THSD7B: variants seen among roughly 807,000 people sequenced by gnomAD.
THSD7B encodes thrombospondin type-1 domain-containing protein 7B.
THSD7B carries 138 observed loss-of-function variants against 213.6 expected under a neutral mutation model. That is an observed-to-expected ratio of 0.65 (90% CI 0.56 to 0.74). THSD7B has a LOEUF of 0.74. Among genes scored for constraint, THSD7B ranks in the 30% least tolerant of loss-of-function variants. The pLI is 0.00. For synonymous variants in THSD7B, 742 were observed against 687.0 expected (o/e 1.08, Z -1.25); for missense variants, 1,931 against 1,991.5 (o/e 0.97, Z 0.58).
chr2:136,961,088 CA>C (rs57328048), intron 2 of THSD7B, among the ~76,000 whole-genome samples: 17 of 39,080 alleles, frequency 4.4e-4, no homozygotes, highest in African/African-American at 7.3e-4. Flanking sequence ...GACTCCGTCT[CA>C]AAAAAAAAAA....
intron 1 of THSD7B, among the ~76,000 whole-genome samples, chr2:136,849,279 T>C (rs1243952468): frequency 6.6e-6 from 1 of 152,156 alleles, no homozygotes; most frequent in Non-Finnish European, 1.5e-5. Context: ...CTCACTATAC[T>C]CTGCCAGTAA....
chr2:136,862,915 G>A (rs1206991472), intron 1 of THSD7B, among the ~76,000 whole-genome samples: 4 of 152,130 alleles, frequency 2.6e-5, no homozygotes, highest in Non-Finnish European at 5.9e-5. Flanking sequence ...TTCCAAATCC[G>A]TTGCTTATAG....
intron 12 of THSD7B, among the ~76,000 whole-genome samples, chr2:137,335,304 T>A (rs1435526723): frequency 1.3e-5 from 2 of 152,142 alleles, no homozygotes; most frequent in Non-Finnish European, 2.9e-5. Context: ...AAAAATAAGG[T>A]AATGAAGGCA....
Position 136,905,734 on chromosome 2 carries a change from G to T in THSD7B, c.139+23417G>T, listed in dbSNP as rs72981660. Among the ~76,000 whole-genome samples, 1,491 of 152,328 alleles carry T rather than the reference G, an allele frequency of 9.8e-3. 34 individuals are homozygous for T. The highest frequency in any genetic ancestry group is 0.035 in the African/African-American group (1,436 of 41,578). ...AATGATAACCAGCAATTTGAGACAA[G>T]TACATCATTAGGCATTGAGACAAAT... On this transcript the variant is annotated intron_variant, in intron 2 of 27. Coordinates refer to ENST00000409968, the MANE Select transcript of THSD7B (RefSeq NM_001316349.2).
chr2:137,609,519 C>T (rs1167269672), intron 17 of THSD7B, among the ~76,000 whole-genome samples: 2 of 152,156 alleles, frequency 1.3e-5, no homozygotes, highest in Non-Finnish European at 2.9e-5. Context: ...GCTTGGAGCT[C>T]TCCAAGAACA....
chr2:137,341,388 T>C (rs1684758005), intron 12 of THSD7B, among the ~76,000 whole-genome samples: 1 of 151,668 alleles, frequency 6.6e-6, no homozygotes, highest in Admixed American at 6.6e-5. Flanking sequence ...CTTCATAGGT[T>C]GTCTCTGCAC....
intron 15 of THSD7B, among the ~76,000 whole-genome samples, chr2:137,562,544 T>C (rs1467350309): frequency 6.6e-6 from 1 of 151,448 alleles, no homozygotes; most frequent in African/African-American, 2.4e-5. Context: ...TTGTAAATAT[T>C]CATAGTCAGT....
chr2:136,861,543 G>A (rs1165454141), intron 1 of THSD7B, among the ~76,000 whole-genome samples: 1 of 152,174 alleles, frequency 6.6e-6, no homozygotes, highest in East Asian at 1.9e-4. Flanking sequence ...CCAGGACTGG[G>A]TGAAGACTTG....
intron 1 of THSD7B, 69 bp from the exon 2 acceptor site, chr2:136,882,075 G>A: frequency 1.6e-6 from 2 of 1,221,724 alleles, no homozygotes. Context: ...AAAGGTTCTA[G>A]CAGTCAAAAT....
intron 1 of THSD7B, among the ~76,000 whole-genome samples, chr2:136,810,896 G>C (rs1175114973): frequency 6.6e-6 from 1 of 152,144 alleles, no homozygotes; most frequent in Non-Finnish European, 1.5e-5. Flanking sequence ...TTCCTTCATA[G>C]GGGTATCATG....
intron 15 of THSD7B, among the ~76,000 whole-genome samples, chr2:137,523,074 A>G (rs530215868): frequency 6.6e-6 from 1 of 152,318 alleles, no homozygotes; most frequent in East Asian, 1.9e-4. Context: ...GGAGTCATGT[A>G]CTTTTCTTAG....
At chr2:136,904,173 A>AG (rs1684115061) in intron 2 of THSD7B, among the ~76,000 whole-genome samples, 1 of 152,156 alleles carries the variant, frequency 6.6e-6, no homozygotes, top group African/African-American at 2.4e-5. Context: ...AGGCAACCCC[A>AG]GCAAATGTGG....
At chr2:137,087,717 C>A (rs2104910727) in intron 3 of THSD7B, among the ~76,000 whole-genome samples, 1 of 152,220 alleles carries the variant, frequency 6.6e-6, no homozygotes, top group African/African-American at 2.4e-5. Context: ...GGAAAATGAC[C>A]ATACTGCCAA....
At chr2:137,258,010 T>C (rs1175413125) in intron 10 of THSD7B, among the ~76,000 whole-genome samples, 3 of 152,118 alleles carry the variant, frequency 2.0e-5, no homozygotes, top group Non-Finnish European at 4.4e-5. Flanking sequence ...ATTGAGTGAG[T>C]TGATTCATGT....
intron 3 of THSD7B, among the ~76,000 whole-genome samples, chr2:137,086,826 A>T (rs1411208756): frequency 6.6e-6 from 1 of 152,230 alleles, no homozygotes; most frequent in Admixed American, 6.5e-5. Context: ...GCATGTTGAA[A>T]AGAAAAAATT....
chr2:136,965,005 T>A (rs935490276), intron 2 of THSD7B, among the ~76,000 whole-genome samples: 23 of 97,804 alleles, frequency 2.4e-4, no homozygotes, highest in Non-Finnish European at 4.3e-4. Context: ...AGTGAGACCC[T>A]GTCTCAAAAA....
At chr2:136,810,146 A>G (rs1438158304) in intron 1 of THSD7B, among the ~76,000 whole-genome samples, 7 of 152,168 alleles carry the variant, frequency 4.6e-5, no homozygotes, top group African/African-American at 1.7e-4. Context: ...TTTCCCTTTC[A>G]GTTTTCACTT....
At chr2:136,891,094 G>C (rs546639053) in intron 2 of THSD7B, among the ~76,000 whole-genome samples, 13 of 150,414 alleles carry the variant, frequency 8.6e-5, no homozygotes, top group South Asian at 4.2e-4. Context: ...TCTTTTACTT[G>C]TTCTATGATT....
chr2:136,997,592 T>C (rs903523613), intron 2 of THSD7B, among the ~76,000 whole-genome samples: 3 of 152,156 alleles, frequency 2.0e-5, no homozygotes, highest in African/African-American at 7.2e-5. Flanking sequence ...GAAGAGGATG[T>C]GATAAAGCCC....
Sources: allele counts gnomAD v4.1 joint callset (sites outside exome capture counted in the v4.1 genomes callset), GRCh38; gene constraint gnomAD v4.1.1; transcripts MANE v1.5; gene names NCBI Gene and HGNC (gene_info 2026-07-23, HGNC 2026-07-21).